CA6: variants seen among roughly 807,000 people sequenced by gnomAD.
CA6 encodes carbonic anhydrase 6.
Under a neutral mutation model 35.9 loss-of-function variants are expected in CA6, and 28 were observed. That is an observed-to-expected ratio of 0.78 (90% CI 0.58 to 1.07). The LOEUF is 1.07. CA6 is among the 50% of genes least tolerant of loss of function. CA6 has a pLI of 0.00. For synonymous variants in CA6, 148 were observed against 152.6 expected (o/e 0.97, Z 0.22); for missense variants, 377 against 382.0 (o/e 0.99, Z 0.11).
chr1:8,950,277 C>T (rs1351557120), intron 2 of CA6, among the ~76,000 whole-genome samples: 2 of 152,108 alleles, frequency 1.3e-5, no homozygotes, highest in Non-Finnish European at 2.9e-5. Context: ...AGCCACCATG[C>T]CCGGCCTGGA....
chr1:8,970,822 A>G (rs748043546), intron 6 of CA6, 45 bp from the exon 7 acceptor site: 4 of 1,182,084 alleles, frequency 3.4e-6, no homozygotes, highest in Non-Finnish European at 5.1e-6. Context: ...CTTTTAAATT[A>G]CCCAGTGACT....
intron 7 of CA6, among the ~76,000 whole-genome samples, chr1:8,971,778 G>A (rs1306607764): frequency 2.0e-5 from 3 of 152,226 alleles, no homozygotes; most frequent in African/African-American, 7.2e-5. Context: ...ACCCCAGCGT[G>A]CTGGAAGCAG....
intron 5 of CA6, among the ~76,000 whole-genome samples, chr1:8,965,767 T>A (rs749711790): frequency 1.3e-5 from 2 of 151,692 alleles, no homozygotes; most frequent in Non-Finnish European, 2.9e-5. Context: ...GGTGCCTGTA[T>A]TCCCAGCTAC....
chr1:8,966,898 C>T (rs934291089), intron 5 of CA6, among the ~76,000 whole-genome samples: 5 of 151,892 alleles, frequency 3.3e-5, no homozygotes, highest in African/African-American at 4.8e-5. Flanking sequence ...TGGTTTCCAG[C>T]GGTTGTGGCA....
chr1:8,973,206 G>A (rs531204211), intron 7 of CA6, among the ~76,000 whole-genome samples: 1 of 152,136 alleles, frequency 6.6e-6, no homozygotes, highest in Admixed American at 6.6e-5. Context: ...TTTTAGTAGA[G>A]ATGGGATTTC....
chr1:8,950,197 G>T (rs1271544236), intron 2 of CA6, among the ~76,000 whole-genome samples: 1 of 151,930 alleles, frequency 6.6e-6, no homozygotes, highest in Admixed American at 6.6e-5. Flanking sequence ...TGGCCAGGCT[G>T]GTCTGGAACT....
intron 6 of CA6, among the ~76,000 whole-genome samples, chr1:8,968,478 G>GA (rs550435232): frequency 3.4e-5 from 5 of 147,160 alleles, no homozygotes; most frequent in South Asian, 2.1e-4. Flanking sequence ...GCTCAATTAA[G>GA]AAAAAAAAAT....
chr1:8,953,139 CT>C (rs1639584982), intron 2 of CA6, among the ~76,000 whole-genome samples: 1 of 152,126 alleles, frequency 6.6e-6, no homozygotes, highest in African/African-American at 2.4e-5. Flanking sequence ...AGCATGTAGC[CT>C]TTTCACATTG....
chr1:8,958,471 G>T (rs1018961338), intron 3 of CA6, among the ~76,000 whole-genome samples: 6 of 152,140 alleles, frequency 3.9e-5, no homozygotes, highest in Admixed American at 6.6e-5. Flanking sequence ...CCTGGACTGT[G>T]TTAGATTTTC....
chr1:8,947,566 A>G (rs1639401612), intron 1 of CA6, among the ~76,000 whole-genome samples: 1 of 152,122 alleles, frequency 6.6e-6, no homozygotes, highest in South Asian at 2.1e-4. Flanking sequence ...CAAGCAGTGC[A>G]GGCAGGTGGT....
chr1:8,951,711 C>A (rs1280147703), intron 2 of CA6: 1 of 759,496 alleles, frequency 1.3e-6, no homozygotes, highest in Non-Finnish European at 2.4e-6. Context: ...TAGGGCTCTG[C>A]TCAAATTTCT....
intron 7 of CA6, among the ~76,000 whole-genome samples, chr1:8,973,647 T>C (rs1478015275): frequency 6.6e-6 from 1 of 152,188 alleles, no homozygotes. Context: ...TTGCTGATTA[T>C]AGAACAGACA....
Position 8,972,691 on chromosome 1 carries a change from A to AAAAC in CA6, c.844+1726_844+1729dup, listed in dbSNP as rs763422455. Among the ~76,000 whole-genome samples, 3 of 152,160 alleles carry AAAAC rather than the reference A, an allele frequency of 2.0e-5. No individual in the cohort carries two copies. The South Asian group carries it at 6.2e-4, about 32-fold the overall frequency. ...GAGAGAGACTCTGTTTCAAAAAACC[A>AAAAC]AAACAAACAAACAAACAAAAAAATT... On this transcript the variant is annotated intron_variant, in intron 7 of 7. Transcript: ENST00000377443.
intron 5 of CA6, among the ~76,000 whole-genome samples, chr1:8,962,889 A>G (rs1434394687): frequency 6.6e-6 from 1 of 152,178 alleles, no homozygotes; most frequent in Non-Finnish European, 1.5e-5. Context: ...GTCATTTCCC[A>G]TGATTGGAAC....
intron 1 of CA6, 74 bp downstream of exon 1, chr1:8,946,039 CTTCTT>C: frequency 3.4e-6 from 3 of 871,804 alleles, no homozygotes; most frequent in Non-Finnish European, 3.6e-6. Flanking sequence ...CCTTCTTCTT[CTTCTT>C]TTTTTTTTTT....
At chr1:8,972,160 AC>A (rs1414008438) in intron 7 of CA6, among the ~76,000 whole-genome samples, 1 of 151,136 alleles carries the variant, frequency 6.6e-6, no homozygotes, top group Non-Finnish European at 1.5e-5. Flanking sequence ...TGATCCTCCC[AC>A]CTCAGCCTCC....
intron 7 of CA6, chr1:8,974,341 C>T: frequency 6.8e-7 from 1 of 1,479,224 alleles, no homozygotes; most frequent in Non-Finnish European, 8.9e-7. Flanking sequence ...GCCTATATCC[C>T]CTCAGGCAAG....
At chr1:8,949,908 A>C (rs908861239) in intron 2 of CA6, among the ~76,000 whole-genome samples, 1 of 152,150 alleles carries the variant, frequency 6.6e-6, no homozygotes, top group African/African-American at 2.4e-5. Flanking sequence ...ACAAGAAAGA[A>C]GGTGAAGGTC....
chr1:8,963,176 G>A lies in CA6; in HGVS notation c.571+520G>A, dbSNP rs1639887586. Among the ~76,000 whole-genome samples, 1 of 152,006 alleles carries A rather than the reference G, an allele frequency of 6.6e-6. No homozygotes were observed. The highest frequency in any genetic ancestry group is 1.5e-5 in the Non-Finnish European group (1 of 68,008). On this transcript the variant is annotated intron_variant, in intron 5 of 7. Transcript: ENST00000377443. This position sits in a 1 kb window ranked among gnomAD's most constrained non-coding sequence, Gnocchi z 4.1. Reference sequence around the variant, plus strand: ...ATAACCACAATAGCTCTGCATCCTCGACTTCACACGTCCCATTCCGGCCAC... The same window carrying A: ...ATAACCACAATAGCTCTGCATCCTCAACTTCACACGTCCCATTCCGGCCAC...
Sources: allele counts gnomAD v4.1 joint callset (sites outside exome capture counted in the v4.1 genomes callset), GRCh38; gene constraint gnomAD v4.1.1; non-coding constraint Gnocchi (gnomAD v3.1); transcripts MANE v1.5; gene names NCBI Gene and HGNC (gene_info 2026-07-23, HGNC 2026-07-21).